Variants in TKFC observed in about 807,000 individuals in gnomAD.
The protein encoded by TKFC is triokinase and FMN cyclase.
A neutral mutation model predicts 61.0 loss-of-function variants in TKFC; 46 were observed. The observed-to-expected ratio is 0.75, with a 90% CI of 0.60 to 0.96. The LOEUF (loss-of-function observed/expected upper bound fraction) is 0.96. TKFC is among the 50% of genes least tolerant of loss of function. The pLI is 0.00. For missense variants in TKFC, 715 were observed against 777.5 expected, an observed-to-expected ratio of 0.92 and a Z score of 0.96; for synonymous variants, 314 against 330.1, an observed-to-expected ratio of 0.95 and a Z score of 0.53.
At chr11:61,351,862 T>C (rs1857425166), downstream of TKFC, 1 of 152,182 alleles carries the variant, frequency 6.6e-6, no homozygotes, top group South Asian at 2.1e-4. Context: ...TGCAGTGAGC[T>C]ATGGTCACAC....
At chr11:61,341,008 G>A (rs1427741369) in intron 5 of TKFC, among the ~76,000 whole-genome samples, 1 of 152,020 alleles carries the variant, frequency 6.6e-6, no homozygotes. Context: ...TGACTTAGTC[G>A]CCTTTTTTCC....
In TKFC at chr11:61,347,742, C is replaced by G. The variant is rs1029842630; in HGVS notation, c.*1239C>G. ...ACACATGATCTGAAATCTGATTCTG[C>G]TTTAACCCGGCTACAGGAGCTAAGG... On this transcript the variant is annotated 3_prime_UTR_variant, in exon 18 of 18. Transcript: ENST00000394900. 1 of 984,520 alleles carries G rather than the reference C, an allele frequency of 1.0e-6. No homozygotes were observed. Among genetic ancestry groups the G allele is most frequent in the Non-Finnish European group, 1.2e-6 (1 of 829,214 alleles). The allele number at this position is 984,520 out of a possible 1,614,324, so 61.0% of individuals were successfully genotyped here. A position where few individuals can be genotyped will look rare whatever the true frequency, so the allele number is the denominator to read the frequency against.
At position 61,340,504 on chromosome 11, in the gene TKFC, G is replaced by A. The variant is rs1219239030; in HGVS notation, c.487-932G>A. On this transcript the variant is annotated intron_variant, in intron 5 of 17. Transcript: ENST00000394900. Reference sequence around the variant, plus strand: ...CGAGTAGCTGGGACTACAGGCGCCCGCCACCGCGCCCGGCTAATTTTTTGT... The same window carrying A: ...CGAGTAGCTGGGACTACAGGCGCCCACCACCGCGCCCGGCTAATTTTTTGT... Among the ~76,000 whole-genome samples the A allele has an allele frequency of 2.6e-4, 2 of 7,806 alleles. 1 individual carries two copies. Among genetic ancestry groups the A allele is most frequent in the African/African-American group, 2.9e-4 (2 of 6,888 alleles). 5.1% of individuals were successfully genotyped at this position (7,806 alleles called of 152,430 possible).
Position 61,347,940 on chromosome 11 carries a change from G to A in TKFC, c.*1437G>A, listed in dbSNP as rs373477747. 1.8e-4 allele frequency: 181 copies of A among 985,414 alleles called. 2 individuals are homozygous for A. In the East Asian group the frequency reaches 3.6e-3, roughly 20 times the overall value. The allele number at this position is 985,414 out of a possible 1,614,324, so 61.0% of individuals were successfully genotyped here. A position where few individuals can be genotyped will look rare whatever the true frequency, so the allele number is the denominator to read the frequency against. ...GGGTTGGGCCCCCAGCCCCTCCCAG[G>A]TCATCTGCTCTACCACTAGCTGGTA... On this transcript the variant is annotated 3_prime_UTR_variant, in exon 18 of 18. Transcript: ENST00000394900.
downstream of TKFC, chr11:61,349,664 C>T (rs1008076337): frequency 5.7e-6 from 4 of 702,546 alleles, no homozygotes; most frequent in East Asian, 5.4e-5. Flanking sequence ...TGGAGCCGCA[C>T]GGTCACAATA....
chr11:61,338,047 C>A lies in TKFC; in HGVS notation c.110C>A (p.Ala37Asp). The A allele has an allele frequency of 1.2e-6, 2 of 1,613,070 alleles. No homozygotes were observed. The highest frequency in any genetic ancestry group is 1.7e-6 in the Non-Finnish European group (2 of 1,179,856). Residue 37 changes from alanine (A) to aspartate (D), a missense_variant, in exon 3 of 18, where the codon GCC becomes GAC. Physicochemically the swap from Ala to Asp is moderately radical, Grantham distance 126 (BLOSUM62 -2). Transcript: ENST00000394900. The part of the protein sequence containing the change: ...NLQLLQGHRV[A>D]LRSDLDSLKG... ...CAGCTCCTGCAGGGCCACCGCGTGG[C>A]CCTCCGTTCTGACCTGGACAGCCTC...
rs767160698 is a variant in TKFC, at chr11:61,338,007, T to C, written c.70T>C (p.Cys24Arg). 28 of 1,613,474 alleles carry C rather than the reference T, an allele frequency of 1.7e-5. No homozygotes were observed. The South Asian group carries it at 3.1e-4, about 18-fold the overall frequency. ...TGACGCTCTTGCTGGCCTGGTGGCC[T>C]GCAACCCCAACCTGCAGCTCCTGCA... ...ADDALAGLVA[C>R]NPNLQLLQGH... The change falls in exon 3 of 18, where the codon TGC (cysteine) becomes CGC (arginine). Residue 24 changes from cysteine to arginine, a missense_variant. Physicochemically the swap from Cys to Arg is radical, Grantham distance 180. Coordinates refer to ENST00000394900, the MANE Select transcript of TKFC (RefSeq NM_015533.4).
chr11:61,345,338 T>C lies in TKFC; in HGVS notation c.1319T>C (p.Leu440Pro). ...CTCTCCAAGTTGTCTGTCCTGCTCCTGGAGAAGATGGGAGGCTCATCTGGG... is the reference window on the plus strand; with the variant it reads ...CTCTCCAAGTTGTCTGTCCTGCTCCCGGAGAAGATGGGAGGCTCATCTGGG... ...QLLSKLSVLL[L>P]EKMGGSSGAL... is the part of the protein sequence containing the mutation. Residue 440 changes from leucine (L) to proline (P), a missense_variant, in exon 14 of 18, where the codon CTG (leucine) becomes CCG (proline). Coordinates refer to ENST00000394900, the MANE Select transcript of TKFC (RefSeq NM_015533.4). 1 of 1,604,796 alleles carries C rather than the reference T, an allele frequency of 6.2e-7. No individual in the cohort carries two copies. Among genetic ancestry groups the C allele is most frequent in the Non-Finnish European group, 8.5e-7 (1 of 1,173,564 alleles).
At position 61,338,113 on chromosome 11, in the gene TKFC, A is replaced by T; in HGVS notation, c.176A>T (p.His59Leu). 1 of 1,600,596 alleles carries T rather than the reference A, an allele frequency of 6.2e-7. No individual in the cohort carries two copies. The highest frequency in any genetic ancestry group is 1.1e-5 in the South Asian group (1 of 90,316). ...VALLSGGGSGHEPAHAGFIGK... is the reference protein window; with the variant it reads ...VALLSGGGSGLEPAHAGFIGK... ...CTGCTGTCGGGTGGGGGCTCTGGCCATGAGCCTGCCCATGCTGGTGAGTAT... is the reference window on the plus strand; with the variant it reads ...CTGCTGTCGGGTGGGGGCTCTGGCCTTGAGCCTGCCCATGCTGGTGAGTAT... Residue 59 changes from histidine to leucine, a missense_variant, in exon 3 of 18, where the codon CAT becomes CTT. By Grantham distance (99) the His-to-Leu change is moderately conservative. Coordinates refer to ENST00000394900, the MANE Select transcript of TKFC (RefSeq NM_015533.4).
chr11:61,341,523 T>C lies in TKFC; in HGVS notation c.565+9T>C. The C allele has an allele frequency of 6.4e-7, 1 of 1,554,208 alleles. No individual in the cohort carries two copies. Among genetic ancestry groups the C allele is most frequent in the South Asian group, 1.2e-5 (1 of 84,364 alleles). ...GGTCGCCAAGGCCATGGGTGAGTGC[T>C]GGCCTGGGAGCTGGGGAAGAGAGTG... On this transcript the variant is annotated intron_variant, in intron 6 of 17. Transcript: ENST00000394900.
chr11:61,338,960 C>A, intron 3 of TKFC, 106 bp from the exon 4 acceptor site: 1 of 925,006 alleles, frequency 1.1e-6, no homozygotes, highest in Non-Finnish European at 1.6e-6. Flanking sequence ...GAGCACCAAG[C>A]ACACAGTAGG....
intron 9 of TKFC, 38 bp downstream of exon 9, chr11:61,342,696 A>G (rs780714553): frequency 3.1e-6 from 5 of 1,613,042 alleles, no homozygotes; most frequent in Non-Finnish European, 4.2e-6. Context: ...AACCCCTCCT[A>G]AACCTCTGGG....
In TKFC at chr11:61,346,779, C is replaced by T; in HGVS notation, c.*276C>T. 8.2e-7 allele frequency: 1 copy of T among 1,212,706 alleles called. No individual in the cohort carries two copies. The highest frequency in any genetic ancestry group is 1.0e-6 in the Non-Finnish European group (1 of 972,660). 75.1% of individuals were successfully genotyped at this position (1,212,706 alleles called of 1,614,324 possible). A position where few individuals can be genotyped will look rare whatever the true frequency, so the allele number is the denominator to read the frequency against. On this transcript the variant is annotated 3_prime_UTR_variant, in exon 18 of 18. Transcript: ENST00000394900. The surrounding 1 kb of genome is among the most constrained non-coding windows in gnomAD (Gnocchi z 4.1). ...GCCCTCCCCTGCCAGCTCTGGGCTT[C>T]AGAGATAAGGCATTTTCCTTGTGCA... is the stretch of plus-strand genomic sequence containing the variant.
At chr11:61,334,243 C>G (rs941893777) in intron 1 of TKFC, 4 of 160,748 alleles carry the variant, frequency 2.5e-5, no homozygotes, top group African/African-American at 9.6e-5. Context: ...CTAGCTCCCC[C>G]CATTCCCTTC....
chr11:61,348,495 A>G lies in TKFC; in HGVS notation c.*1992A>G. On this transcript the variant is annotated 3_prime_UTR_variant, in exon 18 of 18. Transcript: ENST00000394900. ...ATTAGAGGGCTGTTATTAGAGACTG[A>G]ATGTTTGTGTCCCCCCCAAATTCCT... 1 of 985,382 alleles carries G rather than the reference A, an allele frequency of 1.0e-6. No individual in the cohort carries two copies. The highest frequency in any genetic ancestry group is 1.2e-6 in the Non-Finnish European group (1 of 829,938). 61.0% of individuals were successfully genotyped at this position (985,382 alleles called of 1,614,324 possible).
At chr11:61,333,776 G>C (rs1431916501) in intron 1 of TKFC, 2 of 152,128 alleles carry the variant, frequency 1.3e-5, no homozygotes, top group African/African-American at 4.8e-5. Flanking sequence ...CAGCCTCCAG[G>C]GTACCCCACA....
At chr11:61,341,708 C>A in intron 6 of TKFC, 115 bp from the exon 7 acceptor site, 1 of 1,292,948 alleles carries the variant, frequency 7.7e-7, no homozygotes, top group Non-Finnish European at 1.1e-6. Flanking sequence ...GTCTGGCAGC[C>A]TTTCTCAGAG....
intron 5 of TKFC, among the ~76,000 whole-genome samples, chr11:61,339,866 A>G (rs771247588): frequency 5.9e-5 from 9 of 152,188 alleles, no homozygotes; most frequent in Non-Finnish European, 1.2e-4. Context: ...TAAAATGTGT[A>G]TCTGACTAGG....
At chr11:61,352,660 C>CAA, downstream of TKFC, 2 of 492,090 alleles carry the variant, frequency 4.1e-6, no homozygotes, top group Admixed American at 5.1e-5. Context: ...GACTCCATCT[C>CAA]AAAAAAAAAG....
Sources: gnomAD v4.1 joint callset for allele counts (sites outside exome capture counted in the v4.1 genomes callset) on GRCh38, gnomAD v4.1.1 for gene constraint, Gnocchi (gnomAD v3.1) non-coding constraint, MANE v1.5 for transcripts, NCBI Gene and HGNC (gene_info 2026-07-23, HGNC 2026-07-21) for gene names.